Variants in CUBN observed in about 807,000 individuals in gnomAD.
CUBN encodes the protein 460 kDa receptor.
Under a neutral mutation model 405.3 loss-of-function variants are expected in CUBN, and 282 were observed. The observed-to-expected ratio is 0.70, with a 90% CI of 0.63 to 0.77. The LOEUF is 0.77. Ranked by LOEUF, CUBN falls within the 30% of genes least tolerant of loss-of-function variation. CUBN has a pLI of 0.00. For missense variants in CUBN, 4,514 were observed against 4,475.2 expected (o/e 1.01, Z -0.25); for synonymous variants, 1,684 against 1,617.0 (o/e 1.04, Z -0.99).
intron 36 of CUBN, among the ~76,000 whole-genome samples, chr10:16,942,939 T>C (rs1327370562): frequency 6.6e-6 from 1 of 152,066 alleles, no homozygotes; most frequent in Non-Finnish European, 1.5e-5. Context: ...TGTACTTCTC[T>C]GTCATGTGTA....
intron 59 of CUBN, among the ~76,000 whole-genome samples, chr10:16,854,821 A>C (rs934896348): frequency 2.0e-5 from 3 of 152,038 alleles, no homozygotes; most frequent in African/African-American, 7.2e-5. Flanking sequence ...GCACACCCAC[A>C]TTCCAGGGAA....
At chr10:16,901,718 G>A (rs999784573) in intron 51 of CUBN, among the ~76,000 whole-genome samples, 11 of 151,558 alleles carry the variant, frequency 7.3e-5, no homozygotes, top group Non-Finnish European at 1.2e-4. Flanking sequence ...GCTGGGCTTG[G>A]TGGCGTCTGC....
chr10:17,084,678 T>C (rs905188726), intron 16 of CUBN, among the ~76,000 whole-genome samples: 1 of 152,242 alleles, frequency 6.6e-6, no homozygotes, highest in African/African-American at 2.4e-5. Context: ...GATGCAGAGA[T>C]GTGTGATCTA....
chr10:16,931,379 A>C (rs1432570848), intron 40 of CUBN, among the ~76,000 whole-genome samples: 3 of 152,228 alleles, frequency 2.0e-5, no homozygotes, highest in African/African-American at 7.2e-5. Context: ...TGAATAAATA[A>C]TTAAACAAAT....
intron 6 of CUBN, among the ~76,000 whole-genome samples, chr10:17,120,811 T>C (rs2131320629): frequency 1.3e-5 from 2 of 152,330 alleles, no homozygotes; most frequent in East Asian, 3.9e-4. Context: ...TTGCCCATAC[T>C]TGTCGCTCTA....
chr10:16,874,370 G>A lies in CUBN; in HGVS notation c.9236+4C>T, dbSNP rs376411935. The A allele has an allele frequency of 6.2e-6, 10 of 1,613,908 alleles. No homozygotes were observed. Among genetic ancestry groups the A allele is most frequent in the South Asian group, 2.2e-5 (2 of 91,082 alleles). On this transcript the variant is annotated splice_donor_region_variant and intron_variant, in intron 58 of 66. Transcript: ENST00000377833. ...TCTTAAGAAAGCCAATTTGTCTTACGTACTTGAGCTCGATCACCTTGTCGT... is the reference window on the plus strand; with the variant it reads ...TCTTAAGAAAGCCAATTTGTCTTACATACTTGAGCTCGATCACCTTGTCGT...
intron 40 of CUBN, among the ~76,000 whole-genome samples, chr10:16,932,205 T>C (rs1429379231): frequency 6.6e-6 from 1 of 152,212 alleles, no homozygotes; most frequent in Non-Finnish European, 1.5e-5. Context: ...TCGATTTTTC[T>C]CACTCGGCAG....
At chr10:16,850,176 G>A (rs757889873) in intron 60 of CUBN, among the ~76,000 whole-genome samples, 16 of 152,060 alleles carry the variant, frequency 1.1e-4, no homozygotes, top group Admixed American at 3.9e-4. Flanking sequence ...TTCTAAGCTT[G>A]CACATTGCTT....
intron 41 of CUBN, 46 bp downstream of exon 41, chr10:16,928,111 G>C (rs747089908): frequency 6.3e-7 from 1 of 1,590,616 alleles, no homozygotes; most frequent in Non-Finnish European, 8.6e-7. Flanking sequence ...GAGGAAAAGA[G>C]AGGAGATGAG....
chr10:16,914,073 T>A, intron 47 of CUBN, 81 bp from the exon 48 acceptor site: 1 of 1,468,516 alleles, frequency 6.8e-7, no homozygotes, highest in Non-Finnish European at 9.4e-7. Context: ...AAAATTCAGG[T>A]ATTTAAAAAT....
At chr10:16,978,207 T>A (rs943302937) in intron 31 of CUBN, among the ~76,000 whole-genome samples, 1 of 152,188 alleles carries the variant, frequency 6.6e-6, no homozygotes, top group African/African-American at 2.4e-5. Flanking sequence ...CAAACTTTGG[T>A]CCTCTTTGTC....
At position 17,087,472 on chromosome 10, in the gene CUBN, C is replaced by CTTTGTTTTTTTTTTTTT. The variant is rs1202786680; in HGVS notation, c.1947+691_1947+692insAAAAAAAAAAAAACAAA. On this transcript the variant is annotated intron_variant, in intron 15 of 66. Transcript: ENST00000377833. ...CACAATCACTATTATTTTTCTTTTT[C>CTTTGTTTTTTTTTTTTT]TTTTTTTTTTTTTTTTTTTTTTAGA... is the stretch of plus-strand genomic sequence containing the variant. Among the ~76,000 whole-genome samples the CTTTGTTTTTTTTTTTTT allele has an allele frequency of 2.8e-5, 2 of 71,712 alleles. 1 individual carries two copies. The highest frequency in any genetic ancestry group is 9.5e-5 in the African/African-American group (2 of 21,120). The allele number at this position is 71,712 out of a possible 152,430, so 47.0% of individuals were successfully genotyped here.
intron 6 of CUBN, among the ~76,000 whole-genome samples, chr10:17,118,150 T>C (rs1836948400): frequency 6.6e-6 from 1 of 152,178 alleles, no homozygotes; most frequent in South Asian, 2.1e-4. Flanking sequence ...TCTAAATAGC[T>C]ACAGAGTATA....
intron 17 of CUBN, among the ~76,000 whole-genome samples, chr10:17,074,185 T>G (rs1835802058): frequency 6.6e-6 from 1 of 152,190 alleles, no homozygotes; most frequent in African/African-American, 2.4e-5. Context: ...ACAAGGAACT[T>G]ACAATAGGCA....
At chr10:17,039,668 C>T (rs1488860224) in intron 27 of CUBN, among the ~76,000 whole-genome samples, 1 of 152,110 alleles carries the variant, frequency 6.6e-6, no homozygotes, top group African/African-American at 2.4e-5. Flanking sequence ...CTTGTGAAGA[C>T]CAGTTGAACT....
At chr10:16,929,679 C>T (rs369245322) in intron 40 of CUBN, among the ~76,000 whole-genome samples, 27 of 152,256 alleles carry the variant, frequency 1.8e-4, no homozygotes, top group African/African-American at 6.5e-4. Context: ...CTTTATAATT[C>T]AAAAGTGTAT....
chr10:17,040,089 C>T (rs1834984134), intron 27 of CUBN, among the ~76,000 whole-genome samples: 1 of 152,030 alleles, frequency 6.6e-6, no homozygotes, highest in African/African-American at 2.4e-5. Context: ...GAATATGACC[C>T]CAGAGTTGCC....
In CUBN at chr10:17,088,326, A is replaced by G; in HGVS notation, c.1785T>C (p.Thr595=). The change falls in exon 15 of 67, where the codon ACT becomes ACC. Residue 595 remains threonine (T), a synonymous_variant. Transcript: ENST00000377833. ...TQQPECGGIL[T]GPYGSIKSPG... is the part of the protein sequence containing the mutation. ...GAGACTTAATAGAACCGTAAGGACC[A>G]GTCAGGATACCTCCACACTCTAAAA... 1 of 1,612,170 alleles carries G rather than the reference A, an allele frequency of 6.2e-7. No individual in the cohort carries two copies. The highest frequency in any genetic ancestry group is 2.2e-5 in the East Asian group (1 of 44,854).
intron 28 of CUBN, among the ~76,000 whole-genome samples, chr10:17,002,700 G>C (rs45562538): frequency 0.076 from 11,626 of 152,194 alleles, 553 homozygotes; most frequent in East Asian, 0.17. Context: ...CATATGCACA[G>C]CTTTAATGCT....
Sources: gnomAD v4.1 joint callset for allele counts (sites outside exome capture counted in the v4.1 genomes callset) on GRCh38, gnomAD v4.1.1 for gene constraint, MANE v1.5 for transcripts, NCBI Gene and HGNC (gene_info 2026-07-23, HGNC 2026-07-21) for gene names.